CLNK: variants seen among roughly 807,000 people sequenced by gnomAD.
CLNK encodes cytokine-dependent hematopoietic cell linker.
Under a neutral mutation model 68.6 loss-of-function variants are expected in CLNK, and 74 were observed. That is an observed-to-expected ratio of 1.08 (90% CI 0.89 to 1.31). CLNK has a LOEUF of 1.31. Among genes scored for constraint, CLNK ranks in the 50% most tolerant of loss-of-function variants. The probability of loss-of-function intolerance (pLI) is 0.00; values close to 1 mark genes in which losing one functional copy is unlikely to be tolerated. For missense variants in CLNK, 553 were observed against 515.3 expected (o/e 1.07, Z -0.71); for synonymous variants, 198 against 172.2 (o/e 1.15, Z -1.17).
At chr4:10,601,097 T>G (rs775196413) in intron 2 of CLNK, among the ~76,000 whole-genome samples, 2 of 152,170 alleles carry the variant, frequency 1.3e-5, no homozygotes, top group Non-Finnish European at 2.9e-5. Flanking sequence ...TAGGCAGGCA[T>G]TCTTCTCAAC....
chr4:10,699,474 C>CTCTCTCTCTCTCTCTG, the CLNK span, among the ~76,000 whole-genome samples: 4 of 27,600 alleles, frequency 1.4e-4, no homozygotes, highest in Admixed American at 5.0e-4. Context: ...CTGTCTCTCT[C>CTCTCTCTCTCTCTCTG]TCTCTCTCTC....
At chr4:10,703,545 A>G in the CLNK span, among the ~76,000 whole-genome samples, 1 of 152,146 alleles carries the variant, frequency 6.6e-6, no homozygotes, top group African/African-American at 2.4e-5. Context: ...GTCTCACTGT[A>G]AGCTCTTAGA....
At chr4:10,679,802 C>A (rs1488543847) in intron 1 of CLNK, among the ~76,000 whole-genome samples, 1 of 152,132 alleles carries the variant, frequency 6.6e-6, no homozygotes, top group Non-Finnish European at 1.5e-5. Context: ...AAATGCAAAT[C>A]AAAACCACAA....
intron 16 of CLNK, among the ~76,000 whole-genome samples, chr4:10,510,234 AG>A (rs1560194320): frequency 6.6e-6 from 1 of 151,820 alleles, no homozygotes; most frequent in Non-Finnish European, 1.5e-5. Flanking sequence ...TTGCGGGGGG[AG>A]GGGGGAAGTC....
chr4:10,511,960 A>C (rs145206871), intron 16 of CLNK, among the ~76,000 whole-genome samples: 1 of 152,244 alleles, frequency 6.6e-6, no homozygotes, highest in Non-Finnish European at 1.5e-5. Context: ...AAGTGAAAAC[A>C]GGTCACCTTA....
Position 10,540,565 on chromosome 4 carries a change from G to C in CLNK, c.531C>G (p.Pro177=), listed in dbSNP as rs377115066. Residue 177 remains proline (P), a synonymous_variant, in exon 11 of 19, where the codon CCC becomes CCG. Coordinates refer to ENST00000226951, the MANE Select transcript of CLNK (RefSeq NM_052964.4). ...ITLPKKYQPL[P]PEPESSRPPL... is the part of the protein sequence containing the mutation. Reference sequence around the variant, plus strand: ...GTGGCCTGCTGCTCTCCGGCTCAGGGGGCAAGGGTTGGTACTTCTTCGGAA... The same window carrying C: ...GTGGCCTGCTGCTCTCCGGCTCAGGCGGCAAGGGTTGGTACTTCTTCGGAA... The C allele has an allele frequency of 1.4e-5, 23 of 1,613,752 alleles. No individual in the cohort carries two copies. The African/African-American group carries it at 2.7e-4, about 19-fold the overall frequency.
chr4:10,495,312 G>A (rs1190749155), intron 18 of CLNK, among the ~76,000 whole-genome samples: 1 of 152,190 alleles, frequency 6.6e-6, no homozygotes, highest in African/African-American at 2.4e-5. Context: ...ATGTTTGGCA[G>A]CACTTAAGCT....
At chr4:10,537,637 C>CCCTTTCTTTTTTCTT (rs1553848137) in intron 11 of CLNK, among the ~76,000 whole-genome samples, 1 of 76,198 alleles carries the variant, frequency 1.3e-5, no homozygotes, top group Non-Finnish European at 2.6e-5. Context: ...TTCTTTCTTT[C>CCCTTTCTTTTTTCTT]TCTTTCTTTC....
At chr4:10,566,682 A>C (rs1474270186) in intron 5 of CLNK, among the ~76,000 whole-genome samples, 1 of 152,182 alleles carries the variant, frequency 6.6e-6, no homozygotes, top group Non-Finnish European at 1.5e-5. Context: ...AACAAATTGA[A>C]AATAGAAATT....
At chr4:10,698,072 G>T in the CLNK span, among the ~76,000 whole-genome samples, 1 of 152,142 alleles carries the variant, frequency 6.6e-6, no homozygotes, top group Admixed American at 6.6e-5. Context: ...GCAGATTGTA[G>T]TTCGGAATTA....
At chr4:10,647,419 T>G (rs896457426) in intron 2 of CLNK, among the ~76,000 whole-genome samples, 2 of 152,162 alleles carry the variant, frequency 1.3e-5, no homozygotes, top group Non-Finnish European at 2.9e-5. Flanking sequence ...TATACATGAG[T>G]CTCCTTTGGA....
At chr4:10,699,668 A>G in the CLNK span, among the ~76,000 whole-genome samples, 64 of 150,980 alleles carry the variant, frequency 4.2e-4, no homozygotes, top group East Asian at 0.012. Flanking sequence ...GCCTGCCACC[A>G]CACCCTGCTA....
intron 2 of CLNK, among the ~76,000 whole-genome samples, chr4:10,652,947 C>T (rs752028654): frequency 2.6e-5 from 4 of 152,092 alleles, no homozygotes; most frequent in Admixed American, 6.5e-5. Flanking sequence ...AAGCCAAATG[C>T]CCATCAATGA....
chr4:10,608,342 C>T (rs954000857), intron 2 of CLNK, among the ~76,000 whole-genome samples: 1 of 152,190 alleles, frequency 6.6e-6, no homozygotes. Flanking sequence ...TAGGCCCATT[C>T]CCTCTCTTCT....
intron 6 of CLNK, among the ~76,000 whole-genome samples, chr4:10,565,683 C>A (rs1720079985): frequency 6.6e-6 from 1 of 152,060 alleles, no homozygotes; most frequent in Non-Finnish European, 1.5e-5. Context: ...CATCATTGTT[C>A]CTAGGGCTCA....
intron 7 of CLNK, among the ~76,000 whole-genome samples, chr4:10,563,642 C>T (rs1719984091): frequency 6.6e-6 from 1 of 152,176 alleles, no homozygotes; most frequent in African/African-American, 2.4e-5. Flanking sequence ...GGCGCGGTGG[C>T]TCACGACCAT....
intron 1 of CLNK, among the ~76,000 whole-genome samples, chr4:10,673,632 C>A (rs1560273712): frequency 6.8e-6 from 1 of 147,650 alleles, no homozygotes; most frequent in Non-Finnish European, 1.5e-5. Flanking sequence ...AACATATGGA[C>A]ACAGGGAGGG....
intron 5 of CLNK, among the ~76,000 whole-genome samples, chr4:10,567,157 A>T (rs1288561655): frequency 6.7e-6 from 1 of 150,078 alleles, no homozygotes. Context: ...AAAAAGATAA[A>T]GTTGGAGGAC....
chr4:10,523,189 G>A (rs903000249), intron 14 of CLNK, among the ~76,000 whole-genome samples: 1 of 152,204 alleles, frequency 6.6e-6, no homozygotes, highest in African/African-American at 2.4e-5. Context: ...GAGTGACGAT[G>A]GGAAAGAGAG....
Sources: allele counts gnomAD v4.1 joint callset (sites outside exome capture counted in the v4.1 genomes callset), GRCh38; gene constraint gnomAD v4.1.1; transcripts MANE v1.5; gene names NCBI Gene and HGNC (gene_info 2026-07-23, HGNC 2026-07-21).